The following ARHGAP32 variants were observed in gnomAD, a reference collection of about 807,000 sequenced individuals.
ARHGAP32 encodes rho GTPase-activating protein 32.
ARHGAP32 carries 51 observed loss-of-function variants against 186.5 expected under a neutral mutation model. That is an observed-to-expected ratio of 0.27 (90% CI 0.22 to 0.35). The LOEUF (loss-of-function observed/expected upper bound fraction) is 0.35, where lower values mean the gene tolerates loss of function less well. ARHGAP32 is among the 10% of genes least tolerant of loss of function. The pLI, the probability that ARHGAP32 is intolerant of heterozygous loss-of-function variation, is 1.00. For missense variants in ARHGAP32, 2,186 were observed against 2,623.5 expected, an observed-to-expected ratio of 0.83 and a Z score of 3.64; for synonymous variants, 950 against 964.3, an observed-to-expected ratio of 0.99 and a Z score of 0.27.
chr11:129,061,383 CTCAGGGAATGCCTGAAA>C (rs1372792827), intron 10 of ARHGAP32, among the ~76,000 whole-genome samples: 2 of 152,188 alleles, frequency 1.3e-5, no homozygotes, highest in East Asian at 1.9e-4. Flanking sequence ...TCCAAGACCA[CTCAGGGAATGCCTGAAA>C]TCACAGATAG....
intron 2 of ARHGAP32, among the ~76,000 whole-genome samples, chr11:129,143,351 G>A (rs1039839053): frequency 2.6e-5 from 4 of 151,728 alleles, no homozygotes; most frequent in Admixed American, 1.3e-4. Context: ...GGTCAACCTC[G>A]GTCAAAAAAT....
intron 7 of ARHGAP32, 74 bp from the exon 8 acceptor site, chr11:129,065,007 T>C (rs1387958961): frequency 2.4e-6 from 3 of 1,228,050 alleles, no homozygotes; most frequent in Non-Finnish European, 3.5e-6. Flanking sequence ...GGATGGTTTC[T>C]GGAAGAAAAA....
intron 11 of ARHGAP32, among the ~76,000 whole-genome samples, chr11:129,037,172 GA>G (rs1195212967): frequency 1.3e-5 from 2 of 152,144 alleles, no homozygotes; most frequent in African/African-American, 2.4e-5. Context: ...CTTATACTCT[GA>G]AAACTACAAA....
intron 6 of ARHGAP32, among the ~76,000 whole-genome samples, chr11:129,088,928 G>T (rs1941490764): frequency 6.7e-6 from 1 of 149,810 alleles, no homozygotes; most frequent in African/African-American, 2.5e-5. Flanking sequence ...AGCCTGGGAG[G>T]TCGAGGCTGT....
At chr11:129,037,432 C>CT (rs1281509004) in intron 11 of ARHGAP32, among the ~76,000 whole-genome samples, 1 of 151,758 alleles carries the variant, frequency 6.6e-6, no homozygotes, top group Non-Finnish European at 1.5e-5. Flanking sequence ...AGTTTGAGGA[C>CT]TTGTGAACTA....
In ARHGAP32 at chr11:129,260,138, G is replaced by T. The variant is rs184399587; in HGVS notation, c.-5+19008C>A. On this transcript the variant is annotated intron_variant, in intron 1 of 6. Coordinates refer to the ARHGAP32 transcript ENST00000525234. ...GATTGAACTTTTACATCTGAGACCG[G>T]CATGAGCATTACACAACTGAAGAGC... Among the ~76,000 whole-genome samples the T allele has an allele frequency of 5.3e-5, 8 of 152,226 alleles. No individual in the cohort carries two copies. The East Asian group carries it at 1.5e-3, about 29-fold the overall frequency.
Position 128,970,322 on chromosome 11 carries a change from G to A in ARHGAP32, c.4891C>T (p.Leu1631=). 1 of 1,614,218 alleles carries A rather than the reference G, an allele frequency of 6.2e-7. No homozygotes were observed. The highest frequency in any genetic ancestry group is 8.5e-7 in the Non-Finnish European group (1 of 1,180,032). The change falls in exon 23 of 23, where the codon CTG becomes TTG. Residue 1631 remains leucine, a synonymous_variant. Coordinates refer to ENST00000682385, the MANE Select transcript of ARHGAP32 (RefSeq NM_001378024.1). The surrounding 1 kb of genome is among the most constrained non-coding windows in gnomAD (Gnocchi z 5.8). ...DDEPAYCPRP[L]YQYKPYQSSQ... ...GACTGATATGGCTTATATTGGTACA[G>A]AGGTCTTGGGCAGTAGGCTGGCTCA...
intron 11 of ARHGAP32, among the ~76,000 whole-genome samples, chr11:129,016,469 T>C (rs1289329438): frequency 2.0e-5 from 3 of 152,190 alleles, no homozygotes; most frequent in Admixed American, 6.5e-5. Flanking sequence ...CTTTTTTCCA[T>C]ATGTATAATC....
intron 1 of ARHGAP32, among the ~76,000 whole-genome samples, chr11:129,270,305 T>C (rs959376388): frequency 6.6e-6 from 1 of 152,132 alleles, no homozygotes; most frequent in African/African-American, 2.4e-5. Flanking sequence ...TATGACATTC[T>C]GGAAAAGGCA....
At chr11:129,208,445 G>A (rs994690139) in intron 1 of ARHGAP32, among the ~76,000 whole-genome samples, 6 of 152,164 alleles carry the variant, frequency 3.9e-5, no homozygotes, top group East Asian at 3.9e-4. Flanking sequence ...TCCTCCCACC[G>A]ACTACCCAAC....
At chr11:129,032,616 G>A (rs1410573034) in intron 11 of ARHGAP32, among the ~76,000 whole-genome samples, 2 of 152,112 alleles carry the variant, frequency 1.3e-5, no homozygotes, top group Non-Finnish European at 2.9e-5. Context: ...CTTACTTTGT[G>A]GTGGATGCAA....
At chr11:129,172,472 C>T (rs1221051647) in intron 1 of ARHGAP32, among the ~76,000 whole-genome samples, 2 of 151,984 alleles carry the variant, frequency 1.3e-5, no homozygotes, top group Non-Finnish European at 2.9e-5. Flanking sequence ...ACTCTCTACC[C>T]CAAATCAACA....
intron 1 of ARHGAP32, among the ~76,000 whole-genome samples, chr11:129,186,752 G>A (rs562809601): frequency 1.5e-4 from 23 of 152,212 alleles, no homozygotes; most frequent in African/African-American, 3.6e-4. Flanking sequence ...GCAAACAAGC[G>A]TAGGAAAAAG....
intron 5 of ARHGAP32, among the ~76,000 whole-genome samples, chr11:129,120,251 G>A (rs189592410): frequency 2.5e-4 from 38 of 152,162 alleles, no homozygotes; most frequent in Non-Finnish European, 4.1e-4. Flanking sequence ...GATGCTCCAC[G>A]GTTCTTGGCT....
chr11:129,061,617 C>A (rs371291156), intron 10 of ARHGAP32, among the ~76,000 whole-genome samples: 1 of 152,134 alleles, frequency 6.6e-6, no homozygotes, highest in Admixed American at 6.5e-5. Context: ...ATGGGGCAGG[C>A]AGCATCTACA....
chr11:129,072,549 C>G (rs1262561130), intron 6 of ARHGAP32, among the ~76,000 whole-genome samples: 1 of 152,156 alleles, frequency 6.6e-6, no homozygotes, highest in Non-Finnish European at 1.5e-5. Flanking sequence ...AAATCACTAT[C>G]CCCCTCCCAA....
chr11:129,273,084 G>A (rs865915753), intron 1 of ARHGAP32, among the ~76,000 whole-genome samples: 5 of 152,220 alleles, frequency 3.3e-5, no homozygotes, highest in African/African-American at 1.2e-4. Flanking sequence ...AAGGTCACAA[G>A]GCTACAAAGT....
intron 5 of ARHGAP32, among the ~76,000 whole-genome samples, chr11:129,104,181 A>G (rs1334040848): frequency 2.0e-5 from 3 of 152,146 alleles, no homozygotes; most frequent in Non-Finnish European, 2.9e-5. Context: ...AATTTCTAAA[A>G]TATGTACCTC....
chr11:129,217,408 G>C (rs192690181), intron 1 of ARHGAP32, among the ~76,000 whole-genome samples: 20 of 152,302 alleles, frequency 1.3e-4, no homozygotes, highest in African/African-American at 4.3e-4. Flanking sequence ...CTGGGGCCAT[G>C]TCATGCCAAG....
Sources: gnomAD v4.1 joint callset for allele counts (sites outside exome capture counted in the v4.1 genomes callset) on GRCh38, gnomAD v4.1.1 for gene constraint, Gnocchi (gnomAD v3.1) non-coding constraint, MANE v1.5 for transcripts, NCBI Gene and HGNC (gene_info 2026-07-23, HGNC 2026-07-21) for gene names.